Variants in EXOC4 observed in about 807,000 individuals in gnomAD.
EXOC4 encodes SEC8-like 1.
Under a neutral mutation model 107.2 loss-of-function variants are expected in EXOC4, and 71 were observed. The ratio of observed to expected loss-of-function variants is 0.66; its 90% CI spans 0.55 to 0.81. EXOC4 has a LOEUF of 0.81. Among genes scored for constraint, EXOC4 ranks in the 30% least tolerant of loss-of-function variants. The pLI is 0.00. For missense variants in EXOC4, 1,108 were observed against 1,189.6 expected (o/e 0.93, Z 1.01); for synonymous variants, 456 against 441.2 (o/e 1.03, Z -0.42).
chr7:133,897,168 G>A, intron 12 of EXOC4, among the ~76,000 whole-genome samples: 1 of 151,900 alleles, frequency 6.6e-6, no homozygotes, highest in Admixed American at 6.6e-5. Context: ...GTTTACGGAA[G>A]ATGAATTTGG....
At chr7:133,297,241 A>T (rs1794539883) in intron 3 of EXOC4, among the ~76,000 whole-genome samples, 1 of 152,204 alleles carries the variant, frequency 6.6e-6, no homozygotes, top group Non-Finnish European at 1.5e-5. Flanking sequence ...TTTAGTAGTT[A>T]AATGAGATGA....
chr7:133,842,759 A>G (rs1256997003), intron 11 of EXOC4, among the ~76,000 whole-genome samples: 1 of 151,926 alleles, frequency 6.6e-6, no homozygotes, highest in African/African-American at 2.4e-5. Flanking sequence ...CAGGGTTTTT[A>G]TAGTTTTAGG....
At chr7:134,084,764 T>A in the EXOC4 span, among the ~76,000 whole-genome samples, 1 of 148,810 alleles carries the variant, frequency 6.7e-6, no homozygotes, top group African/African-American at 2.5e-5. Context: ...ACCCCCTTAA[T>A]TCCATTGCTA....
chr7:133,273,825 T>C (rs1053417853), intron 1 of EXOC4, among the ~76,000 whole-genome samples: 43 of 152,188 alleles, frequency 2.8e-4, no homozygotes, highest in African/African-American at 7.7e-4. Flanking sequence ...GATGGACTTA[T>C]AATTGATGGC....
intron 7 of EXOC4, 134 bp downstream of exon 7, chr7:133,375,136 TTGAA>T (rs1184291608): frequency 1.4e-6 from 1 of 716,278 alleles, no homozygotes; most frequent in Admixed American, 3.0e-5. Context: ...ATGCTTGCAT[TTGAA>T]TGTGATGTTG....
At chr7:133,419,630 G>A (rs530415331) in intron 7 of EXOC4, among the ~76,000 whole-genome samples, 1 of 152,186 alleles carries the variant, frequency 6.6e-6, no homozygotes, top group African/African-American at 2.4e-5. Flanking sequence ...ATCATAGTCT[G>A]ATTGGCACAG....
chr7:133,541,688 AGACAT>A (rs1252441675), intron 9 of EXOC4, among the ~76,000 whole-genome samples: 1 of 151,480 alleles, frequency 6.6e-6, no homozygotes. Flanking sequence ...TTTTTTTTGT[AGACAT>A]GGGGGTCTTA....
intron 2 of EXOC4, among the ~76,000 whole-genome samples, chr7:133,287,624 T>G (rs1218657539): frequency 6.6e-6 from 1 of 152,208 alleles, no homozygotes; most frequent in African/African-American, 2.4e-5. Context: ...ACTATACTTA[T>G]TAAGAGAGGT....
chr7:133,488,499 ATAT>A (rs1215909762), intron 9 of EXOC4, among the ~76,000 whole-genome samples: 5 of 152,166 alleles, frequency 3.3e-5, no homozygotes, highest in Admixed American at 1.3e-4. Flanking sequence ...ACATATGGAA[ATAT>A]TATATGAGGG....
chr7:134,080,880 G>A, the EXOC4 span, among the ~76,000 whole-genome samples: 134,652 of 152,026 alleles, frequency 0.89, 59,913 homozygotes, highest in African/African-American at 0.97. Context: ...CAGAAGTTCG[G>A]GGTTGAATTG....
intron 7 of EXOC4, among the ~76,000 whole-genome samples, chr7:133,446,447 A>G (rs1168990245): frequency 6.6e-6 from 1 of 152,148 alleles, no homozygotes; most frequent in Admixed American, 6.5e-5. Context: ...AAATGAAGAT[A>G]GCTTCTTCTC....
At chr7:133,653,695 A>G (rs1803218087) in intron 10 of EXOC4, among the ~76,000 whole-genome samples, 1 of 152,192 alleles carries the variant, frequency 6.6e-6, no homozygotes, top group Non-Finnish European at 1.5e-5. Flanking sequence ...TTTGACAGAT[A>G]AGAAAAGGTA....
chr7:133,703,915 CT>C (rs1794715682), intron 10 of EXOC4, among the ~76,000 whole-genome samples: 3 of 152,210 alleles, frequency 2.0e-5, no homozygotes. Context: ...CAGATGCTTT[CT>C]CACTGTATAA....
At chr7:133,460,277 T>G (rs1351260783) in intron 7 of EXOC4, among the ~76,000 whole-genome samples, 1 of 152,106 alleles carries the variant, frequency 6.6e-6, no homozygotes, top group Non-Finnish European at 1.5e-5. Flanking sequence ...GGAGCTCAGG[T>G]GATAATGCTT....
At chr7:134,097,043 T>C in the EXOC4 span, among the ~76,000 whole-genome samples, 1 of 152,018 alleles carries the variant, frequency 6.6e-6, no homozygotes, top group African/African-American at 2.4e-5. Flanking sequence ...AATTATGATA[T>C]ATACACATTA....
intron 7 of EXOC4, among the ~76,000 whole-genome samples, chr7:133,429,671 A>G (rs571057540): frequency 2.4e-4 from 36 of 152,282 alleles, no homozygotes; most frequent in African/African-American, 6.5e-4. Context: ...AGATTTGTCT[A>G]TTCTGGACAT....
At chr7:133,510,080 G>C (rs1254397241) in intron 9 of EXOC4, among the ~76,000 whole-genome samples, 1 of 152,174 alleles carries the variant, frequency 6.6e-6, no homozygotes, top group Non-Finnish European at 1.5e-5. Flanking sequence ...CCGTGATTCA[G>C]TTTTAGAACA....
chr7:133,788,357 TA>T (rs1796632041), intron 10 of EXOC4, among the ~76,000 whole-genome samples: 1 of 152,044 alleles, frequency 6.6e-6, no homozygotes, highest in Non-Finnish European at 1.5e-5. Flanking sequence ...ATCAGTATCT[TA>T]AACTCCACTT....
At chr7:133,625,467 C>A (rs747378948) in intron 9 of EXOC4, among the ~76,000 whole-genome samples, 2 of 152,218 alleles carry the variant, frequency 1.3e-5, no homozygotes, top group African/African-American at 2.4e-5. Flanking sequence ...GTTCCATAGT[C>A]ATTTCAGTGA....
Sources: gnomAD v4.1 joint callset for allele counts (sites outside exome capture counted in the v4.1 genomes callset) on GRCh38, gnomAD v4.1.1 for gene constraint, MANE v1.5 for transcripts, NCBI Gene and HGNC (gene_info 2026-07-23, HGNC 2026-07-21) for gene names.